The following QSOX1 variants were observed in gnomAD, a reference collection of about 807,000 sequenced individuals.
The protein encoded by QSOX1 is sulfhydryl oxidase 1.
In QSOX1, 40 loss-of-function variants were observed where a neutral mutation model predicts 76.1. That is an observed-to-expected ratio of 0.53 (90% CI 0.41 to 0.68). The LOEUF is 0.68. Ranked by LOEUF, QSOX1 falls within the 30% of genes least tolerant of loss-of-function variation. QSOX1 has a pLI of 0.00. For missense variants in QSOX1, 931 were observed against 974.3 expected (o/e 0.96, Z 0.59); for synonymous variants, 392 against 413.1 (o/e 0.95, Z 0.62).
At chr1:180,174,162 C>T (rs1227167115) in intron 2 of QSOX1, among the ~76,000 whole-genome samples, 1 of 152,266 alleles carries the variant, frequency 6.6e-6, no homozygotes, top group East Asian at 1.9e-4. Context: ...CCTGCAGGCT[C>T]TCCCCTAGGC....
intron 1 of QSOX1, among the ~76,000 whole-genome samples, 163 bp from the exon 2 acceptor site, chr1:180,166,328 T>C (rs1264065318): frequency 6.6e-6 from 1 of 152,244 alleles, no homozygotes; most frequent in Non-Finnish European, 1.5e-5. Context: ...CCAACTGGAA[T>C]ATCTCAGAGG....
At chr1:180,159,841 C>T (rs1462524154) in intron 1 of QSOX1, among the ~76,000 whole-genome samples, 1 of 152,142 alleles carries the variant, frequency 6.6e-6, no homozygotes, top group Non-Finnish European at 1.5e-5. Context: ...CAACCAATGG[C>T]CTCCTAGAAA....
In QSOX1 at chr1:180,196,688, A is replaced by T; in HGVS notation, c.1895A>T (p.Glu632Val). 6.2e-7 allele frequency: 1 copy of T among 1,614,054 alleles called. No homozygotes were observed. The highest frequency in any genetic ancestry group is 8.5e-7 in the Non-Finnish European group (1 of 1,180,034). ...CACATGGCAGAGCTTCAGAGGAATG[A>T]GCAGGAGCAGCCGCTTGGGCAGTGG... Reference protein sequence around the residue: ...PEHMAELQRNEQEQPLGQWHL... With the variant: ...PEHMAELQRNVQEQPLGQWHL... The change falls in exon 12 of 12, where the codon GAG (glutamate) becomes GTG (valine). Residue 632 changes from glutamate (E) to valine (V), a missense_variant. By Grantham distance (121) the Glu-to-Val change is moderately radical. Coordinates refer to ENST00000367602, the MANE Select transcript of QSOX1 (RefSeq NM_002826.5). The surrounding 1 kb of genome is among the most constrained non-coding windows in gnomAD (Gnocchi z 4.1).
In QSOX1 at chr1:180,166,584, C is replaced by T; in HGVS notation, c.359C>T (p.Thr120Ile). 4 of 1,613,790 alleles carry T rather than the reference C, an allele frequency of 2.5e-6. No homozygotes were observed. The highest frequency in any genetic ancestry group is 3.4e-6 in the Non-Finnish European group (4 of 1,179,774). ...CRDFNIPGFP[T>I]VRFFKAFTKN... ...GACTTCAACATCCCTGGCTTCCCGA[C>T]TGTGAGGGTGTGTGACTGACAGGAG... The change falls in exon 2 of 12, where the codon ACT becomes ATT. Residue 120 changes from threonine (T) to isoleucine (I), a missense_variant. Coordinates refer to ENST00000367602, the MANE Select transcript of QSOX1 (RefSeq NM_002826.5).
chr1:180,168,463 A>G (rs1298195878), intron 2 of QSOX1, among the ~76,000 whole-genome samples: 2 of 152,234 alleles, frequency 1.3e-5, no homozygotes, highest in African/African-American at 2.4e-5. Context: ...TGCCCAGTCC[A>G]TAGGCCAAGT....
rs777266980 is a variant in QSOX1, at chr1:180,196,354, G to C, written c.1561G>C (p.Val521Leu). 3.7e-6 allele frequency: 6 copies of C among 1,614,146 alleles called. No homozygotes were observed. The highest frequency in any genetic ancestry group is 2.2e-5 in the South Asian group (2 of 91,070). The change falls in exon 12 of 12, where the codon GTG becomes CTG. Residue 521 changes from valine (V) to leucine (L), a missense_variant. Val to Leu is a conservative substitution (Grantham distance 32). Coordinates refer to ENST00000367602, the MANE Select transcript of QSOX1 (RefSeq NM_002826.5). This position sits in a 1 kb window ranked among gnomAD's most constrained non-coding sequence, Gnocchi z 4.1. ...ACHNERLDVP[V>L]WDVEATLNFL... ...CCACAATGAACGCCTGGATGTGCCCGTGTGGGACGTGGAAGCCACCCTCAA... is the reference window on the plus strand; with the variant it reads ...CCACAATGAACGCCTGGATGTGCCCCTGTGGGACGTGGAAGCCACCCTCAA...
At chr1:180,165,363 C>T (rs1352254038) in intron 1 of QSOX1, among the ~76,000 whole-genome samples, 1 of 152,218 alleles carries the variant, frequency 6.6e-6, no homozygotes, top group East Asian at 1.9e-4. Context: ...CTGCCATGGA[C>T]GTCATCCTGA....
In QSOX1 at chr1:180,201,773, C is replaced by G. The variant is rs1396541737; in HGVS notation, c.*4736C>G. The G allele has an allele frequency of 6.6e-6, 1 of 152,504 alleles. No homozygotes were observed. The highest frequency in any genetic ancestry group is 1.5e-5 in the Non-Finnish European group (1 of 68,264). 9.4% of individuals were successfully genotyped at this position (152,504 alleles called of 1,614,324 possible). On this transcript the variant is annotated 3_prime_UTR_variant, in exon 12 of 12. Coordinates refer to ENST00000367602, the MANE Select transcript of QSOX1 (RefSeq NM_002826.5). ...CTCTCCCACCCTGGGCCTCTGCCCT[C>G]TGCCTGGCCCCAGCAGCACAGTCTT...
chr1:180,196,197 AGT>A lies in QSOX1; in HGVS notation c.1469-61_1469-60del. On this transcript the variant is annotated intron_variant, in intron 11 of 11. Transcript: ENST00000367602. The surrounding 1 kb of genome is among the most constrained non-coding windows in gnomAD (Gnocchi z 4.1). ...AGGAAGCTGGCGTTCTGAGTGGAGG[AGT>A]GTGGTCTGGGTTTTTGGGTGGGACT... 1 of 1,536,384 alleles carries A rather than the reference AGT, an allele frequency of 6.5e-7. No individual in the cohort carries two copies. Among genetic ancestry groups the A allele is most frequent in the East Asian group, 2.3e-5 (1 of 43,960 alleles).
chr1:180,161,679 T>C (rs1662497715), intron 1 of QSOX1, among the ~76,000 whole-genome samples: 1 of 152,198 alleles, frequency 6.6e-6, no homozygotes, highest in South Asian at 2.1e-4. Context: ...AAATAAGTTT[T>C]CTTAAATCTG....
intron 11 of QSOX1, among the ~76,000 whole-genome samples, 195 bp downstream of exon 11, chr1:180,194,587 C>A (rs1478168873): frequency 6.6e-6 from 1 of 152,234 alleles, no homozygotes; most frequent in East Asian, 1.9e-4. Context: ...CACTGTAAGA[C>A]CCTGGTCTTC....
At chr1:180,195,494 CTTCTACAGAAG>C (rs1663450138) in intron 11 of QSOX1, among the ~76,000 whole-genome samples, 1 of 152,214 alleles carries the variant, frequency 6.6e-6, no homozygotes, top group Non-Finnish European at 1.5e-5. Flanking sequence ...AGGAGAAGTG[CTTCTACAGAAG>C]GGATGGGCTG....
rs1465095299 is a variant in QSOX1 at position 180,183,933 on chromosome 1, C to T, written c.770C>T (p.Ser257Phe). 4.3e-6 allele frequency: 7 copies of T among 1,613,592 alleles called. No homozygotes were observed. The highest frequency in any genetic ancestry group is 5.9e-6 in the Non-Finnish European group (7 of 1,179,670). The change falls in exon 7 of 12, where the codon TCC (serine) becomes TTC (phenylalanine). Residue 257 changes from serine to phenylalanine, a missense_variant. Ser to Phe is a radical substitution (Grantham distance 155). Transcript: ENST00000367602. ...CCTCACAGGCTCATGGAATCCAGGTCCTTCTATACCGCTTACCTGCAGAGA... is the reference window on the plus strand; with the variant it reads ...CCTCACAGGCTCATGGAATCCAGGTTCTTCTATACCGCTTACCTGCAGAGA... ...SRVPVLMESR[S>F]FYTAYLQRLS...
At chr1:180,162,646 G>A (rs1278570405) in intron 1 of QSOX1, among the ~76,000 whole-genome samples, 1 of 152,040 alleles carries the variant, frequency 6.6e-6, no homozygotes, top group African/African-American at 2.4e-5. Context: ...AGCTGAGGTG[G>A]GAGAATTACT....
chr1:180,198,159 C>A lies in QSOX1; in HGVS notation c.*1122C>A. The A allele has an allele frequency of 2.2e-6, 1 of 456,566 alleles. No individual in the cohort carries two copies. Among genetic ancestry groups the A allele is most frequent in the South Asian group, 1.5e-5 (1 of 64,552 alleles). The allele number at this position is 456,566 out of a possible 1,614,324, so 28.3% of individuals were successfully genotyped here. On this transcript the variant is annotated 3_prime_UTR_variant, in exon 12 of 12. Coordinates refer to ENST00000367602, the MANE Select transcript of QSOX1 (RefSeq NM_002826.5). ...GTCCCTCAGCACACACAGCTCCTGGCCACAGACTGCCCATAGAACTGTCTG... is the reference window on the plus strand; with the variant it reads ...GTCCCTCAGCACACACAGCTCCTGGACACAGACTGCCCATAGAACTGTCTG...
intron 1 of QSOX1, among the ~76,000 whole-genome samples, chr1:180,160,019 A>T (rs1370516808): frequency 6.6e-6 from 1 of 152,174 alleles, no homozygotes; most frequent in African/African-American, 2.4e-5. Context: ...GAGTTTTATC[A>T]TTCCAGCTGG....
At position 180,194,325 on chromosome 1, in the gene QSOX1, G is replaced by C; in HGVS notation, c.1401G>C (p.Val467=). Residue 467 remains valine, a synonymous_variant, in exon 11 of 12, where the codon GTG becomes GTC. Transcript: ENST00000367602. ...EQMAAASMHR[V]GSPNAAVLWL... ...TGGCTGCTGCCTCCATGCACCGGGT[G>C]GGGAGTCCCAACGCCGCTGTCCTCT... 6.2e-7 allele frequency: 1 copy of C among 1,609,664 alleles called. No homozygotes were observed.
intron 3 of QSOX1, among the ~76,000 whole-genome samples, chr1:180,175,714 TC>T (rs1662872555): frequency 6.6e-6 from 1 of 152,150 alleles, no homozygotes; most frequent in South Asian, 2.1e-4. Context: ...AGGGATTCTT[TC>T]CTGTCTGAGG....
At chr1:180,183,893 T>G (rs1377615450) in intron 6 of QSOX1, 23 bp from the exon 7 acceptor site, 2 of 1,604,434 alleles carry the variant, frequency 1.2e-6, no homozygotes, top group Non-Finnish European at 1.7e-6. Context: ...CTGCCTCTCC[T>G]CCCTGGTTCT....
Sources: allele counts gnomAD v4.1 joint callset (sites outside exome capture counted in the v4.1 genomes callset), GRCh38; gene constraint gnomAD v4.1.1; non-coding constraint Gnocchi (gnomAD v3.1); transcripts MANE v1.5; gene names NCBI Gene and HGNC (gene_info 2026-07-23, HGNC 2026-07-21).